NKAIN2: variants seen among roughly 807,000 people sequenced by gnomAD.
The protein encoded by NKAIN2 is sodium/potassium transporting ATPase interacting 2, also known as sodium/potassium-transporting ATPase subunit beta-1-interacting protein 2.
NKAIN2 carries 14 observed loss-of-function variants against 32.6 expected under a neutral mutation model. The ratio of observed to expected loss-of-function variants is 0.43; its 90% CI spans 0.28 to 0.67. The LOEUF is 0.67. Among genes scored for constraint, NKAIN2 ranks in the 30% least tolerant of loss-of-function variants. NKAIN2 has a pLI of 0.17. For missense variants in NKAIN2, 198 were observed against 258.3 expected, an observed-to-expected ratio of 0.77 and a Z score of 1.60; for synonymous variants, 80 against 87.2, an observed-to-expected ratio of 0.92 and a Z score of 0.46.
At chr6:124,614,599 C>G (rs553007438) in intron 3 of NKAIN2, among the ~76,000 whole-genome samples, 1 of 152,252 alleles carries the variant, frequency 6.6e-6, no homozygotes, top group Non-Finnish European at 1.5e-5. Context: ...CCTTCAATCT[C>G]TGAAACACAG....
intron 1 of NKAIN2, among the ~76,000 whole-genome samples, chr6:123,883,659 A>T (rs764515724): frequency 0.012 from 725 of 60,590 alleles, 4 homozygotes; most frequent in African/African-American, 0.018. Flanking sequence ...AATTTTTTTT[A>T]AAATTTTAAA....
At position 124,466,650 on chromosome 6, in the gene NKAIN2, C is replaced by T. The variant is rs868270208; in HGVS notation, c.273+111303C>T. Among the ~76,000 whole-genome samples, 4 of 149,588 alleles carry T rather than the reference C, an allele frequency of 2.7e-5. No individual in the cohort carries two copies. In the South Asian group the frequency reaches 6.3e-4, roughly 24 times the overall value. On this transcript the variant is annotated intron_variant, in intron 3 of 6. Coordinates refer to ENST00000368417, the MANE Select transcript of NKAIN2 (RefSeq NM_001040214.3). Reference sequence around the variant, plus strand: ...AGACCCACGGCAACATGTAATAAGACATGTAAAAAAAGACTCTATCACTGC... The same window carrying T: ...AGACCCACGGCAACATGTAATAAGATATGTAAAAAAAGACTCTATCACTGC...
At chr6:124,156,435 G>A (rs1239173560) in intron 1 of NKAIN2, among the ~76,000 whole-genome samples, 2 of 152,174 alleles carry the variant, frequency 1.3e-5, no homozygotes, top group African/African-American at 4.8e-5. Flanking sequence ...GCTCAAGGGA[G>A]TCACATCTGA....
intron 3 of NKAIN2, among the ~76,000 whole-genome samples, chr6:124,563,598 G>A (rs1176180495): frequency 2.0e-5 from 3 of 152,088 alleles, no homozygotes; most frequent in Admixed American, 6.5e-5. Flanking sequence ...ACCAGGGTTC[G>A]TTTGCCTGGA....
At chr6:123,932,577 C>T (rs993050346) in intron 1 of NKAIN2, among the ~76,000 whole-genome samples, 3 of 151,688 alleles carry the variant, frequency 2.0e-5, no homozygotes, top group African/African-American at 7.3e-5. Context: ...CCAACCTGCC[C>T]GGCTAATTTT....
intron 3 of NKAIN2, among the ~76,000 whole-genome samples, chr6:124,618,860 CAT>C (rs1216688243): frequency 2.0e-5 from 3 of 152,106 alleles, no homozygotes; most frequent in Non-Finnish European, 2.9e-5. Context: ...AAAAGAGGTT[CAT>C]ATGTTATATT....
intron 1 of NKAIN2, among the ~76,000 whole-genome samples, chr6:124,123,887 TGA>T (rs146158546): frequency 2.0e-5 from 3 of 151,798 alleles, no homozygotes; most frequent in Admixed American, 6.6e-5. Context: ...TAAGAGACAT[TGA>T]GAGAGAGAGA....
At chr6:124,667,071 T>C (rs1772834900) in intron 4 of NKAIN2, among the ~76,000 whole-genome samples, 2 of 152,166 alleles carry the variant, frequency 1.3e-5, no homozygotes, top group Non-Finnish European at 2.9e-5. Flanking sequence ...ACTGTGATTC[T>C]TAAAGCTAGT....
intron 1 of NKAIN2, among the ~76,000 whole-genome samples, chr6:124,267,794 A>G (rs1160773900): frequency 1.9e-4 from 29 of 152,192 alleles, no homozygotes; most frequent in Admixed American, 1.3e-3. Context: ...TCATTTGTGT[A>G]TGGGATAACT....
In NKAIN2 at chr6:124,620,448, T is replaced by C; in HGVS notation, c.274-37738T>C. Among the ~76,000 whole-genome samples, 2 of 152,174 alleles carry C rather than the reference T, an allele frequency of 1.3e-5. 1 individual carries two copies. The highest frequency in any genetic ancestry group is 1.3e-4 in the Admixed American group (2 of 15,268). ...AACACAGCTATTCAATGGCAAGGAC[T>C]TCTTTTATGACTCTAGATACAATGC... is the stretch of plus-strand genomic sequence containing the variant. On this transcript the variant is annotated intron_variant, in intron 3 of 6. Transcript: ENST00000368417.
At chr6:124,574,638 A>G (rs1265114962) in intron 3 of NKAIN2, among the ~76,000 whole-genome samples, 1 of 152,104 alleles carries the variant, frequency 6.6e-6, no homozygotes, top group African/African-American at 2.4e-5. Context: ...AACAAAAACA[A>G]CAATGAACAA....
At chr6:124,235,447 A>G (rs916989850) in intron 1 of NKAIN2, among the ~76,000 whole-genome samples, 1 of 152,156 alleles carries the variant, frequency 6.6e-6, no homozygotes, top group African/African-American at 2.4e-5. Flanking sequence ...GGTGGTATTC[A>G]TTATGAAAGT....
In NKAIN2 at chr6:124,415,878, C is replaced by CTTT; in HGVS notation, c.273+60546_273+60548dup. Among the ~76,000 whole-genome samples the CTTT allele has an allele frequency of 6.8e-3, 496 of 72,586 alleles. 41 individuals carry two copies. Among genetic ancestry groups the CTTT allele is most frequent in the East Asian group, 0.031 (59 of 1,934 alleles). The allele number at this position is 72,586 out of a possible 152,430, so 47.6% of individuals were successfully genotyped here. ...TTTTTTAATTTGCTTTTTTTATTTGCTTTTTTTTTTTTTTTTTGCTAATTT... is the reference window on the plus strand; with the variant it reads ...TTTTTTAATTTGCTTTTTTTATTTGCTTTTTTTTTTTTTTTTTTTTGCTAATTT... On this transcript the variant is annotated intron_variant, in intron 3 of 6. Coordinates refer to ENST00000368417, the MANE Select transcript of NKAIN2 (RefSeq NM_001040214.3).
chr6:124,021,116 T>C lies in NKAIN2; in HGVS notation c.54+216862T>C, dbSNP rs1441037686. On this transcript the variant is annotated intron_variant, in intron 1 of 6. Transcript: ENST00000368417. The stretch of plus-strand genomic sequence containing the variant: ...TTCTACTTGTACTTTTTAAATTGAA[T>C]CATCTGACTCATAACAGTGAAATTA... 5.9e-5 allele frequency among the ~76,000 whole-genome samples: 9 copies of C among 152,024 alleles called. No individual in the cohort carries two copies. In the South Asian group the frequency reaches 6.2e-4, roughly 10 times the overall value.
At chr6:124,474,571 C>T (rs185726304) in intron 3 of NKAIN2, among the ~76,000 whole-genome samples, 107 of 152,148 alleles carry the variant, frequency 7.0e-4, no homozygotes, top group African/African-American at 2.5e-3. Context: ...CGCATACATA[C>T]TTTCAATTAA....
chr6:123,839,943 A>G (rs979246318), intron 1 of NKAIN2, among the ~76,000 whole-genome samples: 12 of 152,140 alleles, frequency 7.9e-5, no homozygotes, highest in Non-Finnish European at 1.8e-4. Flanking sequence ...CAATAAATGG[A>G]TCATTAAAAA....
intron 2 of NKAIN2, among the ~76,000 whole-genome samples, chr6:124,319,279 A>G (rs763793337): frequency 2.6e-5 from 4 of 152,150 alleles, no homozygotes; most frequent in Non-Finnish European, 1.5e-5. Context: ...TTCCAATAGT[A>G]GCCCATTATT....
chr6:124,040,678 T>A (rs1403543469), intron 1 of NKAIN2, among the ~76,000 whole-genome samples: 4 of 152,004 alleles, frequency 2.6e-5, no homozygotes, highest in East Asian at 3.9e-4. Context: ...ATGATATAGG[T>A]GTTTTCAGGT....
At position 124,786,580 on chromosome 6, in the gene NKAIN2, T is replaced by C. The variant is rs370512679; in HGVS notation, c.475-4759T>C. Among the ~76,000 whole-genome samples, 4 of 152,240 alleles carry C rather than the reference T, an allele frequency of 2.6e-5. No individual in the cohort carries two copies. The East Asian group carries it at 7.7e-4, about 29-fold the overall frequency. ...ATCTGATTTAGTTATACAGAGAAAATATCATTTCCTTCCAGTCAGTGATAA... is the reference window on the plus strand; with the variant it reads ...ATCTGATTTAGTTATACAGAGAAAACATCATTTCCTTCCAGTCAGTGATAA... On this transcript the variant is annotated intron_variant, in intron 4 of 6. Transcript: ENST00000368417.
Sources: gnomAD v4.1 joint callset for allele counts (sites outside exome capture counted in the v4.1 genomes callset) on GRCh38, gnomAD v4.1.1 for gene constraint, MANE v1.5 for transcripts, NCBI Gene and HGNC (gene_info 2026-07-23, HGNC 2026-07-21) for gene names.